Variants in OSBPL3 observed in about 807,000 individuals in gnomAD.
OSBPL3 encodes oxysterol binding protein like 3.
A neutral mutation model predicts 120.1 loss-of-function variants in OSBPL3; 65 were observed. The ratio of observed to expected loss-of-function variants is 0.54; its 90% CI spans 0.44 to 0.67. OSBPL3 has a LOEUF of 0.67. OSBPL3 is among the 30% of genes least tolerant of loss of function. OSBPL3 has a pLI of 0.00. For synonymous variants in OSBPL3, 416 were observed against 402.6 expected, an observed-to-expected ratio of 1.03 and a Z score of -0.40; for missense variants, 1,004 against 1,082.1, an observed-to-expected ratio of 0.93 and a Z score of 1.01.
At position 24,833,830 on chromosome 7, in the gene OSBPL3, C is replaced by T. The variant is rs1796672526; in HGVS notation, c.1746+656G>A. ...GGTACTCCCTTCCCAATCTCCCTAC[C>T]CATGAGATGGGGGAAAGATGAGAAA... On this transcript the variant is annotated intron_variant, in intron 15 of 22. Coordinates refer to ENST00000313367, the MANE Select transcript of OSBPL3 (RefSeq NM_015550.4). This position sits in a 1 kb window ranked among gnomAD's most constrained non-coding sequence, Gnocchi z 4.4. 6.6e-6 allele frequency among the ~76,000 whole-genome samples: 1 copy of T among 152,156 alleles called. No homozygotes were observed. Among genetic ancestry groups the T allele is most frequent in the Non-Finnish European group, 1.5e-5 (1 of 68,024 alleles).
chr7:24,916,338 T>C lies in OSBPL3; in HGVS notation c.-149-23717A>G, dbSNP rs1240736996. ...CCATCCTTCTGTTCCTCTCTCACAG[T>C]ATGTACAGAGGCATGGCTGAAATAA... On this transcript the variant is annotated intron_variant, in intron 1 of 22. Coordinates refer to ENST00000313367, the MANE Select transcript of OSBPL3 (RefSeq NM_015550.4). The surrounding 1 kb of genome is among the most constrained non-coding windows in gnomAD (Gnocchi z 4.9). 2.0e-5 allele frequency among the ~76,000 whole-genome samples: 3 copies of C among 152,208 alleles called. No individual in the cohort carries two copies. The highest frequency in any genetic ancestry group is 1.9e-4 in the East Asian group (1 of 5,190).
intron 14 of OSBPL3, among the ~76,000 whole-genome samples, chr7:24,840,416 T>A (rs55992133): frequency 6.6e-6 from 1 of 152,168 alleles, no homozygotes; most frequent in Non-Finnish European, 1.5e-5. Flanking sequence ...ATTGTAAATA[T>A]GTTTTCTGTT....
rs1393193732 is a variant in OSBPL3, at chr7:24,933,441, G to A, written c.-149-40820C>T. 6.6e-6 allele frequency among the ~76,000 whole-genome samples: 1 copy of A among 152,102 alleles called. No homozygotes were observed. The highest frequency in any genetic ancestry group is 1.9e-4 in the East Asian group (1 of 5,200). The stretch of plus-strand genomic sequence containing the variant: ...TTTCATGGACATAACAATATGTTAA[G>A]TTTATGAATATTTAAAAAGATGCCC... On this transcript the variant is annotated intron_variant, in intron 1 of 22. Coordinates refer to ENST00000313367, the MANE Select transcript of OSBPL3 (RefSeq NM_015550.4). The surrounding 1 kb of genome is among the most constrained non-coding windows in gnomAD (Gnocchi z 5.1).
intron 1 of OSBPL3, among the ~76,000 whole-genome samples, chr7:24,961,558 C>A (rs372164307): frequency 5.3e-5 from 8 of 152,164 alleles, no homozygotes; most frequent in African/African-American, 1.7e-4. Context: ...AGCTGCCATG[C>A]CCCATCCACC....
At chr7:24,885,658 C>G (rs1324865803) in intron 2 of OSBPL3, among the ~76,000 whole-genome samples, 1 of 152,244 alleles carries the variant, frequency 6.6e-6, no homozygotes, top group Admixed American at 6.5e-5. Context: ...TAACAATACA[C>G]TTTAAAACTG....
At position 24,891,083 on chromosome 7, in the gene OSBPL3, A is replaced by G. The variant is rs924511195; in HGVS notation, c.96+1294T>C. On this transcript the variant is annotated intron_variant, in intron 2 of 22. Coordinates refer to ENST00000313367, the MANE Select transcript of OSBPL3 (RefSeq NM_015550.4). This position sits in a 1 kb window ranked among gnomAD's most constrained non-coding sequence, Gnocchi z 4.1. ...CACATACTGTTTTAATCCCAACCAG[A>G]GTTTTGGCTTAGGGAGAAAAATACT... Among the ~76,000 whole-genome samples, 17 of 152,226 alleles carry G rather than the reference A, an allele frequency of 1.1e-4. No homozygotes were observed. Among genetic ancestry groups the G allele is most frequent in the African/African-American group, 4.1e-4 (17 of 41,460 alleles).
In OSBPL3 at chr7:24,796,738, T is replaced by C. The variant is rs1791762360; in HGVS notation, c.*3445A>G. 1 of 152,174 alleles carries C rather than the reference T, an allele frequency of 6.6e-6. No homozygotes were observed. 9.4% of individuals were successfully genotyped at this position (152,174 alleles called of 1,614,324 possible). ...ATAAAATAATCAGAAATAAAATAAA[T>C]TAGCCACTTCTGATCACTGCATTCC... On this transcript the variant is annotated 3_prime_UTR_variant, in exon 23 of 23. Transcript: ENST00000313367. The surrounding 1 kb of genome is among the most constrained non-coding windows in gnomAD (Gnocchi z 5.2).
Position 24,912,003 on chromosome 7 carries a change from A to G in OSBPL3, c.-149-19382T>C, listed in dbSNP as rs536866339. Among the ~76,000 whole-genome samples, 5 of 152,318 alleles carry G rather than the reference A, an allele frequency of 3.3e-5. 1 individual carries two copies. In the South Asian group the frequency reaches 1.0e-3, roughly 32 times the overall value. On this transcript the variant is annotated intron_variant, in intron 1 of 22. Transcript: ENST00000313367. This position sits in a 1 kb window ranked among gnomAD's most constrained non-coding sequence, Gnocchi z 4.5. Reference sequence around the variant, plus strand: ...TATTTTATTCTCTCCAGTAGAGTGTATAGATCAAAAGCAATTTGAAGACTG... The same window carrying G: ...TATTTTATTCTCTCCAGTAGAGTGTGTAGATCAAAAGCAATTTGAAGACTG...
At chr7:24,927,362 T>C (rs1012090011) in intron 1 of OSBPL3, among the ~76,000 whole-genome samples, 2 of 152,222 alleles carry the variant, frequency 1.3e-5, no homozygotes, top group Non-Finnish European at 2.9e-5. Context: ...TTTTTAGACT[T>C]TTTAGCAGAG....
At position 24,834,669 on chromosome 7, in the gene OSBPL3, C is replaced by G. The variant is rs758628861; in HGVS notation, c.1563G>C (p.Pro521=). 1 of 1,614,106 alleles carries G rather than the reference C, an allele frequency of 6.2e-7. No homozygotes were observed. The highest frequency in any genetic ancestry group is 8.5e-7 in the Non-Finnish European group (1 of 1,180,000). The change falls in exon 15 of 23, where the codon CCG becomes CCC. Residue 521 remains proline, a synonymous_variant. Coordinates refer to ENST00000313367, the MANE Select transcript of OSBPL3 (RefSeq NM_015550.4). This position sits in a 1 kb window ranked among gnomAD's most constrained non-coding sequence, Gnocchi z 5.2. Reference sequence around the variant, plus strand: ...TCCACAGGCTGATGTTACTGCTGCTCGGGCAGGGCGCCGGCAGGCACGTTC... The same window carrying G: ...TCCACAGGCTGATGTTACTGCTGCTGGGGCAGGGCGCCGGCAGGCACGTTC... The part of the protein sequence containing the change: ...RRRTCLPAPC[P]SSSNISLWNI...
intron 19 of OSBPL3, chr7:24,810,171 T>C: frequency 2.0e-6 from 1 of 508,154 alleles, no homozygotes; most frequent in Non-Finnish European, 3.5e-6. Context: ...CATTGTGGAA[T>C]GGCTAAATCA....
chr7:24,897,658 A>T (rs563365119), intron 1 of OSBPL3, among the ~76,000 whole-genome samples: 1 of 152,360 alleles, frequency 6.6e-6, no homozygotes, highest in East Asian at 1.9e-4. Flanking sequence ...TGTGTCCTTC[A>T]ACATATTAAC....
intron 1 of OSBPL3, among the ~76,000 whole-genome samples, chr7:24,970,937 G>A (rs532413074): frequency 1.3e-4 from 20 of 152,304 alleles, no homozygotes; most frequent in South Asian, 6.2e-4. Context: ...GCTTCAGACC[G>A]TTCCTCAAAC....
chr7:24,951,834 T>C (rs1814480038), intron 1 of OSBPL3, among the ~76,000 whole-genome samples: 1 of 152,222 alleles, frequency 6.6e-6, no homozygotes, highest in Admixed American at 6.5e-5. Context: ...GACATAAACC[T>C]GCTGCAGAAG....
chr7:24,971,443 A>G (rs1220643180), intron 1 of OSBPL3, among the ~76,000 whole-genome samples: 1 of 152,238 alleles, frequency 6.6e-6, no homozygotes, highest in Non-Finnish European at 1.5e-5. Flanking sequence ...CTACACCACA[A>G]CAAAGCTGTA....
At chr7:24,840,416 T>C (rs55992133) in intron 14 of OSBPL3, among the ~76,000 whole-genome samples, 14,171 of 152,268 alleles carry the variant, frequency 0.093, 866 homozygotes, top group Non-Finnish European at 0.14. Flanking sequence ...ATTGTAAATA[T>C]GTTTTCTGTT....
intron 12 of OSBPL3, among the ~76,000 whole-genome samples, chr7:24,843,141 T>A (rs1198379090): frequency 6.6e-6 from 1 of 152,196 alleles, no homozygotes; most frequent in Non-Finnish European, 1.5e-5. Flanking sequence ...ACTTAAGTCC[T>A]GAGCTGGCCA....
chr7:24,960,546 A>G (rs1484018698), intron 1 of OSBPL3, among the ~76,000 whole-genome samples: 5 of 152,216 alleles, frequency 3.3e-5, no homozygotes, highest in Admixed American at 3.3e-4. Context: ...TTGGGCTGTG[A>G]AATATAGAAC....
At position 24,799,410 on chromosome 7, in the gene OSBPL3, T is replaced by C. The variant is rs866223756; in HGVS notation, c.*773A>G. On this transcript the variant is annotated 3_prime_UTR_variant, in exon 23 of 23. Transcript: ENST00000313367. The surrounding 1 kb of genome is among the most constrained non-coding windows in gnomAD (Gnocchi z 5.3). ...AACTTCTCAAGGACTCAGCTCTCAC[T>C]AAGGAGAAATTTCCTACTGTCTCTC... 1 of 152,174 alleles carries C rather than the reference T, an allele frequency of 6.6e-6. No individual in the cohort carries two copies. 9.4% of individuals were successfully genotyped at this position (152,174 alleles called of 1,614,324 possible).
Sources: gnomAD v4.1 joint callset for allele counts (sites outside exome capture counted in the v4.1 genomes callset) on GRCh38, gnomAD v4.1.1 for gene constraint, Gnocchi (gnomAD v3.1) non-coding constraint, MANE v1.5 for transcripts, NCBI Gene and HGNC (gene_info 2026-07-23, HGNC 2026-07-21) for gene names.